PUS3: variants seen among roughly 807,000 people sequenced by gnomAD.
The protein encoded by PUS3 is pseudouridine synthase 3.
A neutral mutation model predicts 43.3 loss-of-function variants in PUS3; 36 were observed. That is an observed-to-expected ratio of 0.83 (90% CI 0.64 to 1.10). PUS3 has a LOEUF of 1.10. PUS3 is among the 50% of genes least tolerant of loss of function. The probability of loss-of-function intolerance (pLI) is 0.00; values close to 1 mark genes in which losing one functional copy is unlikely to be tolerated. For missense variants in PUS3, 544 were observed against 589.9 expected (o/e 0.92, Z 0.81); for synonymous variants, 183 against 199.2 (o/e 0.92, Z 0.69).
rs1337794568 is a variant in PUS3 at position 125,895,215 on chromosome 11, T to G, written c.944+9A>C. The G allele has an allele frequency of 3.9e-6, 6 of 1,544,842 alleles. No homozygotes were observed. Among genetic ancestry groups the G allele is most frequent in the Non-Finnish European group, 5.2e-6 (6 of 1,150,308 alleles). On this transcript the variant is annotated intron_variant, in intron 3 of 3. Coordinates refer to ENST00000227474, the MANE Select transcript of PUS3 (RefSeq NM_031307.4). ...GGCATGTGCCATTTATTTTTTATTT[T>G]TAACTCACCTATATTGAGGCTTTTG...
At chr11:125,897,620 T>C (rs1197386824) in intron 1 of PUS3, among the ~76,000 whole-genome samples, 1 of 151,904 alleles carries the variant, frequency 6.6e-6, no homozygotes, top group Admixed American at 6.6e-5. Flanking sequence ...TTAAAAAAAA[T>C]TTTAAATGCT....
chr11:125,900,332 A>T, intron 1 of PUS3: 3 of 1,476,952 alleles, frequency 2.0e-6, no homozygotes, highest in Non-Finnish European at 9.4e-7. Context: ...CTTCCCTTTT[A>T]AATAGAAACA....
chr11:125,896,754 A>G (rs567789792), intron 1 of PUS3, among the ~76,000 whole-genome samples: 157 of 152,204 alleles, frequency 1.0e-3, no homozygotes, highest in Admixed American at 2.9e-3. Context: ...CTGAGTTTCT[A>G]TTGCTTTCCA....
Position 125,894,175 on chromosome 11 carries a change from C to T in PUS3, c.1056G>A (p.Trp352Ter). 2 of 1,614,028 alleles carry T rather than the reference C, an allele frequency of 1.2e-6. No individual in the cohort carries two copies. The highest frequency in any genetic ancestry group is 2.2e-5 in the East Asian group (1 of 44,888). ...EFNITHLQQLWANHAVKTHML... is the reference protein window; with the variant it reads ...EFNITHLQQL ...TGTGAGTTTTGACAGCATGATTAGC[C>T]CACAGTTGTTGTAGGTGGGTAATAT... The change falls in exon 4 of 4, where the codon TGG becomes TGA. Residue 352 changes from tryptophan (W) to a stop codon, truncating the protein, a stop_gained. Coordinates refer to ENST00000227474, the MANE Select transcript of PUS3 (RefSeq NM_031307.4). LOFTEE classifies it high-confidence loss of function.
rs374489253 is a variant in PUS3 at position 125,899,915 on chromosome 11, G to A, written c.-47+3255C>T. The A allele has an allele frequency of 1.9e-5, 31 of 1,614,016 alleles. No homozygotes were observed. The highest frequency in any genetic ancestry group is 8.3e-5 in the Admixed American group (5 of 60,002). On this transcript the variant is annotated intron_variant, in intron 1 of 3. Transcript: ENST00000227474. ...AGAAGGAATGGGCTCTCCAGCTTAC[G>A]AACAAGACCTGATTGTTGCCAGCAG...
At chr11:125,900,257 T>G (rs1312526662) in intron 1 of PUS3, 1 of 1,614,156 alleles carries the variant, frequency 6.2e-7, no homozygotes, top group Non-Finnish European at 8.5e-7. Context: ...CTTCCCTCTT[T>G]CTCCTTCTTA....
At chr11:125,899,840 C>T (rs1397278184) in intron 1 of PUS3, 4 of 1,614,076 alleles carry the variant, frequency 2.5e-6, no homozygotes, top group East Asian at 4.5e-5. Context: ...TAACCTACCA[C>T]ATGAATACCA....
intron 1 of PUS3, chr11:125,899,882 C>A: frequency 6.2e-7 from 1 of 1,614,212 alleles, no homozygotes; most frequent in Non-Finnish European, 8.5e-7. Flanking sequence ...CATTTGCTCT[C>A]TACAAAGAGA....
chr11:125,900,397 G>A lies in PUS3; in HGVS notation c.-47+2773C>T, dbSNP rs1003855440. 6.2e-5 allele frequency: 53 copies of A among 854,112 alleles called. No homozygotes were observed. The East Asian group carries it at 1.2e-3, about 20-fold the overall frequency. The allele number at this position is 854,112 out of a possible 1,614,324, so 52.9% of individuals were successfully genotyped here. A position where few individuals can be genotyped will look rare whatever the true frequency, so the allele number is the denominator to read the frequency against. ...TATGGTAAGGACTTCACCTATCATT[G>A]GTCTTTCCTAGCTATATATCACATT... On this transcript the variant is annotated intron_variant, in intron 1 of 3. Transcript: ENST00000227474.
In PUS3 at chr11:125,894,134, A is replaced by G. The variant is rs754187330; in HGVS notation, c.1097T>C (p.Leu366Pro). Residue 366 changes from leucine to proline, a missense_variant, in exon 4 of 4, where the codon CTA (leucine) becomes CCA (proline). By Grantham distance (98) the Leu-to-Pro change is moderately conservative. Coordinates refer to ENST00000227474, the MANE Select transcript of PUS3 (RefSeq NM_031307.4). ...TACTGGAACAGTGTCCAGTCCTTGT[A>G]GCATACTATACAACATGTGAGTTTT... ...AVKTHMLYSMLQGLDTVPVPC... is the reference protein window; with the variant it reads ...AVKTHMLYSMPQGLDTVPVPC... The G allele has an allele frequency of 2.5e-6, 4 of 1,614,152 alleles. No individual in the cohort carries two copies. Among genetic ancestry groups the G allele is most frequent in the Non-Finnish European group, 2.5e-6 (3 of 1,180,004 alleles).
rs1392949378 is a variant in PUS3, at chr11:125,895,491, C to T, written c.677G>A (p.Cys226Tyr). 3 of 1,614,150 alleles carry T rather than the reference C, an allele frequency of 1.9e-6. No homozygotes were observed. Among genetic ancestry groups the T allele is most frequent in the Non-Finnish European group, 2.5e-6 (3 of 1,180,036 alleles). The change falls in exon 3 of 4, where the codon TGT becomes TAT. Residue 226 changes from cysteine (C) to tyrosine (Y), a missense_variant. Coordinates refer to ENST00000227474, the MANE Select transcript of PUS3 (RefSeq NM_031307.4). ...YVGTHDFRNL[C>Y]KMDVANGVIN... ...CACACCGTTGGCTACATCCATTTTA[C>T]ACAAGTTCCTGAAATCATGGGTGCC...
intron 1 of PUS3, chr11:125,899,370 T>C (rs771369566): frequency 1.3e-5 from 21 of 1,613,802 alleles, no homozygotes; most frequent in Non-Finnish European, 1.7e-5. Context: ...GGGGAAGCAA[T>C]GGAAGAACTT....
chr11:125,899,191 C>G (rs530394670), intron 1 of PUS3: 1 of 610,150 alleles, frequency 1.6e-6, no homozygotes, highest in Non-Finnish European at 2.9e-6. Context: ...GTTAATGCCC[C>G]TCTAAACTGT....
chr11:125,893,935 A>G lies in PUS3; in HGVS notation c.1296T>C (p.Arg432=), dbSNP rs370085015. The G allele has an allele frequency of 5.9e-5, 96 of 1,613,984 alleles. 1 individual carries two copies. In the Admixed American group the frequency reaches 1.1e-3, roughly 19 times the overall value. ...AATGTGGGTGCTCAATTCGTCCCCTACGTACAAAATGCTGGATCCGGGATT... is the reference window on the plus strand; with the variant it reads ...AATGTGGGTGCTCAATTCGTCCCCTGCGTACAAAATGCTGGATCCGGGATT... ...GLESRIQHFV[R]RGRIEHPHLF... is the part of the protein sequence containing the mutation. The change falls in exon 4 of 4, where the codon CGT becomes CGC. Residue 432 remains arginine, a synonymous_variant. Coordinates refer to ENST00000227474, the MANE Select transcript of PUS3 (RefSeq NM_031307.4).
chr11:125,898,366 T>G (rs1001221569), intron 1 of PUS3, among the ~76,000 whole-genome samples: 1 of 152,132 alleles, frequency 6.6e-6, no homozygotes, highest in African/African-American at 2.4e-5. Context: ...ATAAACAGAT[T>G]TAGCTGGCAA....
chr11:125,896,794 A>G (rs2134248988), intron 1 of PUS3, among the ~76,000 whole-genome samples: 1 of 152,280 alleles, frequency 6.6e-6, no homozygotes, highest in African/African-American at 2.4e-5. Context: ...TGTATGCTCC[A>G]TCATCTAATA....
chr11:125,900,467 G>A (rs1027826949), intron 1 of PUS3: 1 of 584,362 alleles, frequency 1.7e-6, no homozygotes, highest in Non-Finnish European at 3.1e-6. Context: ...TCCAGCAATT[G>A]CAAGATAAAT....
Position 125,894,275 on chromosome 11 carries a change from T to C in PUS3, c.956A>G (p.Glu319Gly), listed in dbSNP as rs377543477. Residue 319 changes from glutamate to glycine, a missense_variant, in exon 4 of 4, where the codon GAA (glutamate) becomes GGA (glycine). Transcript: ENST00000227474. ...PQKPQYSMAV[E>G]FPLVLYDCKF... ...ACAGTCATATAAGACTAGAGGAAATTCTACAGCCATACTAGAGAAAAAGAG... is the reference window on the plus strand; with the variant it reads ...ACAGTCATATAAGACTAGAGGAAATCCTACAGCCATACTAGAGAAAAAGAG... 3.7e-6 allele frequency: 6 copies of C among 1,605,710 alleles called. No individual in the cohort carries two copies. The highest frequency in any genetic ancestry group is 4.3e-6 in the Non-Finnish European group (5 of 1,173,846).
At chr11:125,899,328 A>G (rs1944685447) in intron 1 of PUS3, 1 of 1,580,838 alleles carries the variant, frequency 6.3e-7, no homozygotes, top group Admixed American at 1.7e-5. Context: ...AAACTGACCA[A>G]TGTTATCTCT....
Sources: allele counts gnomAD v4.1 joint callset (sites outside exome capture counted in the v4.1 genomes callset), GRCh38; gene constraint gnomAD v4.1.1; transcripts MANE v1.5; gene names NCBI Gene and HGNC (gene_info 2026-07-23, HGNC 2026-07-21).